Variants in DLG2 observed in about 807,000 individuals in gnomAD.
DLG2 encodes the protein discs large MAGUK scaffold protein 2.
In DLG2, 45 loss-of-function variants were observed where a neutral mutation model predicts 132.5. The ratio of observed to expected loss-of-function variants is 0.34; its 90% CI spans 0.27 to 0.44. The LOEUF (loss-of-function observed/expected upper bound fraction) is 0.44. Ranked by LOEUF, DLG2 falls within the 20% of genes least tolerant of loss-of-function variation. The probability of loss-of-function intolerance (pLI) is 1.00; values close to 1 mark genes in which losing one functional copy is unlikely to be tolerated. For missense variants in DLG2, 1,045 were observed against 1,196.9 expected (o/e 0.87, Z 1.87); for synonymous variants, 424 against 419.6 (o/e 1.01, Z -0.13).
At chr11:84,109,835 A>G (rs1443591660) in intron 9 of DLG2, among the ~76,000 whole-genome samples, 1 of 152,172 alleles carries the variant, frequency 6.6e-6, no homozygotes, top group Non-Finnish European at 1.5e-5. Context: ...AGGAAGAAAC[A>G]AGAATGCTCA....
At chr11:85,520,119 A>C (rs2074171411) in intron 3 of DLG2, among the ~76,000 whole-genome samples, 1 of 151,972 alleles carries the variant, frequency 6.6e-6, no homozygotes, top group African/African-American at 2.4e-5. Context: ...GGCCCCAGCA[A>C]TCACCCCATC....
At chr11:84,101,025 C>T in intron 9 of DLG2, among the ~76,000 whole-genome samples, 1 of 152,134 alleles carries the variant, frequency 6.6e-6, no homozygotes. Flanking sequence ...CCAGTGTTCA[C>T]TGAACAGAGT....
Position 83,916,130 on chromosome 11 carries a change from T to C in DLG2, c.1496+14198A>G, listed in dbSNP as rs982967745. Among the ~76,000 whole-genome samples, 4 of 152,194 alleles carry C rather than the reference T, an allele frequency of 2.6e-5. 1 individual carries two copies. In the South Asian group the frequency reaches 8.3e-4, roughly 31 times the overall value. ...TGAATTATAAAGACATACCACATACTATTTATCCATTCATCAGCTGATGGG... is the reference window on the plus strand; with the variant it reads ...TGAATTATAAAGACATACCACATACCATTTATCCATTCATCAGCTGATGGG... On this transcript the variant is annotated intron_variant, in intron 15 of 27. Transcript: ENST00000376104.
In DLG2 at chr11:83,963,772, G is replaced by T. The variant is rs552593492; in HGVS notation, c.1202-749C>A. 2.0e-5 allele frequency among the ~76,000 whole-genome samples: 3 copies of T among 151,954 alleles called. No homozygotes were observed. In the South Asian group the frequency reaches 6.2e-4, roughly 32 times the overall value. On this transcript the variant is annotated intron_variant, in intron 13 of 27. Coordinates refer to ENST00000376104, the MANE Select transcript of DLG2 (RefSeq NM_001142699.3). The stretch of plus-strand genomic sequence containing the variant: ...CATATCCTATCATCCGCAAACATAG[G>T]CTGTGCTTCCTGACATCTGTACCTT...
rs76437681 is a variant in DLG2 at position 85,077,398 on chromosome 11, C to A, written c.357+34263G>T. Among the ~76,000 whole-genome samples, 1,676 of 151,954 alleles carry A rather than the reference C, an allele frequency of 0.011. 85 individuals are homozygous for A. The East Asian group carries it at 0.15, about 13-fold the overall frequency. ...AAGGAGTGATAGGAACAAATTTAGA[C>A]CAAGACTGCTTCAAAAAGCCTATGC... is the stretch of plus-strand genomic sequence containing the variant. On this transcript the variant is annotated intron_variant, in intron 6 of 27. Coordinates refer to ENST00000376104, the MANE Select transcript of DLG2 (RefSeq NM_001142699.3).
intron 7 of DLG2, among the ~76,000 whole-genome samples, chr11:84,305,866 TGATGTCAAGTAA>T (rs1567233675): frequency 6.6e-6 from 1 of 152,146 alleles, no homozygotes; most frequent in Non-Finnish European, 1.5e-5. Context: ...TCTGACTTGA[TGATGTCAAGTAA>T]TTTGCACAAA....
chr11:84,520,485 G>A (rs952168679), intron 7 of DLG2, among the ~76,000 whole-genome samples: 1 of 152,108 alleles, frequency 6.6e-6, no homozygotes, highest in Admixed American at 6.6e-5. Flanking sequence ...TTCTTGGCAT[G>A]CAACTCCATT....
intron 3 of DLG2, among the ~76,000 whole-genome samples, chr11:85,341,285 AT>A (rs932943918): frequency 1.2e-4 from 18 of 151,700 alleles, no homozygotes; most frequent in South Asian, 2.1e-4. Flanking sequence ...TGCCTGGCTA[AT>A]TTTTTTTGTA....
chr11:85,147,528 G>A (rs2076946931), intron 5 of DLG2, among the ~76,000 whole-genome samples: 2 of 151,884 alleles, frequency 1.3e-5, no homozygotes, highest in African/African-American at 4.8e-5. Flanking sequence ...TATAAATTTT[G>A]GATATTAACC....
chr11:83,639,347 G>A (rs1406822228), intron 18 of DLG2, among the ~76,000 whole-genome samples: 1 of 152,162 alleles, frequency 6.6e-6, no homozygotes, highest in Non-Finnish European at 1.5e-5. Flanking sequence ...ATTCCATGGT[G>A]TATATGTGCC....
At chr11:84,993,823 T>C (rs1479296757) in intron 6 of DLG2, among the ~76,000 whole-genome samples, 1 of 152,180 alleles carries the variant, frequency 6.6e-6, no homozygotes, top group Non-Finnish European at 1.5e-5. Context: ...CAGCTTGGAC[T>C]GTCAGCTGGA....
At chr11:83,470,857 T>A (rs560010361) in intron 24 of DLG2, among the ~76,000 whole-genome samples, 1 of 152,238 alleles carries the variant, frequency 6.6e-6, no homozygotes, top group South Asian at 2.1e-4. Context: ...TTTGTTGGTA[T>A]CAGATGTAAG....
intron 6 of DLG2, among the ~76,000 whole-genome samples, chr11:84,820,818 G>T (rs181766416): frequency 1.3e-5 from 2 of 151,668 alleles, no homozygotes; most frequent in Admixed American, 1.3e-4. Context: ...TAGAATAAGA[G>T]AAACACTTCT....
chr11:84,751,402 T>C (rs917732192), intron 6 of DLG2, among the ~76,000 whole-genome samples: 2 of 152,060 alleles, frequency 1.3e-5, no homozygotes, highest in Non-Finnish European at 2.9e-5. Context: ...TGACAGTGAT[T>C]GGTATTATTG....
At chr11:85,122,949 T>TTTTATATATATATATATATTA (rs1566894389) in intron 5 of DLG2, among the ~76,000 whole-genome samples, 1 of 48,166 alleles carries the variant, frequency 2.1e-5, no homozygotes, top group Non-Finnish European at 3.5e-5. Flanking sequence ...TGTATATATA[T>TTTTATATATATATATATATTA]TATATATATA....
At chr11:85,356,970 T>C (rs1284839145) in intron 3 of DLG2, among the ~76,000 whole-genome samples, 2 of 152,176 alleles carry the variant, frequency 1.3e-5, no homozygotes, top group African/African-American at 4.8e-5. Context: ...GCTTCTGGGT[T>C]CTTATGTCAG....
At chr11:83,831,430 A>G (rs1401286145) in intron 17 of DLG2, among the ~76,000 whole-genome samples, 1 of 152,158 alleles carries the variant, frequency 6.6e-6, no homozygotes, top group Non-Finnish European at 1.5e-5. Context: ...CCACAGTGAC[A>G]CATACGACAA....
intron 17 of DLG2, among the ~76,000 whole-genome samples, chr11:83,796,470 C>T (rs1478752645): frequency 3.9e-5 from 6 of 152,250 alleles, no homozygotes; most frequent in Middle Eastern, 3.4e-3. Flanking sequence ...CACTCCCTTC[C>T]GCATCCCTTC....
At chr11:84,280,830 A>G (rs2097846553) in intron 7 of DLG2, among the ~76,000 whole-genome samples, 1 of 143,892 alleles carries the variant, frequency 6.9e-6, no homozygotes, top group African/African-American at 2.6e-5. Context: ...CCCGAGTAGT[A>G]GCTGGAACTA....
Sources: gnomAD v4.1 joint callset for allele counts (sites outside exome capture counted in the v4.1 genomes callset) on GRCh38, gnomAD v4.1.1 for gene constraint, MANE v1.5 for transcripts, NCBI Gene and HGNC (gene_info 2026-07-23, HGNC 2026-07-21) for gene names.